DCUN1D4: variants seen among roughly 807,000 people sequenced by gnomAD.
DCUN1D4 encodes defective in cullin neddylation 1 domain containing 4, also known as DCN1-like protein 4.
Under a neutral mutation model 47.9 loss-of-function variants are expected in DCUN1D4, and 22 were observed. That is an observed-to-expected ratio of 0.46 (90% CI 0.33 to 0.66). The LOEUF (loss-of-function observed/expected upper bound fraction) is 0.66, where lower values mean the gene tolerates loss of function less well. DCUN1D4 is among the 30% of genes least tolerant of loss of function. The pLI is 0.02. For synonymous variants in DCUN1D4, 121 were observed against 112.2 expected, an observed-to-expected ratio of 1.08 and a Z score of -0.50; for missense variants, 301 against 340.8, an observed-to-expected ratio of 0.88 and a Z score of 0.92.
At chr4:51,899,490 T>C in intron 8 of DCUN1D4, 112 bp downstream of exon 8, 1 of 1,474,954 alleles carries the variant, frequency 6.8e-7, no homozygotes, top group Non-Finnish European at 8.9e-7. Flanking sequence ...ATAAGTTAAC[T>C]CCCAGGATGC....
intron 5 of DCUN1D4, among the ~76,000 whole-genome samples, chr4:51,883,509 G>A (rs373666546): frequency 1.7e-4 from 26 of 152,250 alleles, no homozygotes; most frequent in African/African-American, 5.5e-4. Context: ...GCTAAATGTC[G>A]TATTTGAGTC....
intron 1 of DCUN1D4, chr4:51,844,381 C>G (rs1486993289): frequency 4.1e-6 from 4 of 984,350 alleles, no homozygotes; most frequent in Non-Finnish European, 4.8e-6. Flanking sequence ...GTGGTTCCCC[C>G]CGGACGGCGG....
intron 6 of DCUN1D4, among the ~76,000 whole-genome samples, chr4:51,888,672 C>T (rs527388291): frequency 3.5e-5 from 5 of 142,474 alleles, no homozygotes; most frequent in South Asian, 2.3e-4. Context: ...TGAGCAGAGC[C>T]GACATCATGC....
In DCUN1D4 at chr4:51,913,560, G is replaced by A; in HGVS notation, c.855G>A (p.Trp285Ter). 1 of 1,612,888 alleles carries A rather than the reference G, an allele frequency of 6.2e-7. No individual in the cohort carries two copies. The highest frequency in any genetic ancestry group is 1.1e-5 in the South Asian group (1 of 90,978). Residue 285 changes from tryptophan (W) to a stop codon, truncating the protein, a stop_gained, in exon 11 of 11, where the codon TGG (tryptophan) becomes TGA (stop). Coordinates refer to ENST00000334635, the MANE Select transcript of DCUN1D4 (RefSeq NM_001040402.3). LOFTEE classifies it high-confidence loss of function. The part of the protein sequence containing the change: ...WPVLLDEFVE[W>*]YKDKQMS ...TTTTGTTGGACGAGTTTGTGGAGTGGTATAAAGACAAACAGATGTCCTAGG... is the reference window on the plus strand; with the variant it reads ...TTTTGTTGGACGAGTTTGTGGAGTGATATAAAGACAAACAGATGTCCTAGG...
chr4:51,840,018 CAATTA>C (rs997654694), upstream of DCUN1D4, among the ~76,000 whole-genome samples: 5 of 151,878 alleles, frequency 3.3e-5, no homozygotes, highest in African/African-American at 1.2e-4. Context: ...AGAAAAATTC[CAATTA>C]AATTAGGTAT....
chr4:51,852,692 A>G (rs962162024), intron 1 of DCUN1D4, among the ~76,000 whole-genome samples: 1 of 152,212 alleles, frequency 6.6e-6, no homozygotes, highest in Non-Finnish European at 1.5e-5. Flanking sequence ...TTGGCACATA[A>G]TATGGACCAG....
At position 51,914,325 on chromosome 4, in the gene DCUN1D4, C is replaced by T. The variant is rs1463479120; in HGVS notation, c.*741C>T. On this transcript the variant is annotated 3_prime_UTR_variant, in exon 11 of 11. Coordinates refer to ENST00000334635, the MANE Select transcript of DCUN1D4 (RefSeq NM_001040402.3). ...TTTTCTTAAAAGAATGGGATTTAAA[C>T]TCTTATAAACATTCTTTAACTTTTT... The T allele has an allele frequency of 1.3e-5, 2 of 152,058 alleles. No individual in the cohort carries two copies. The highest frequency in any genetic ancestry group is 2.9e-5 in the Non-Finnish European group (2 of 68,002). 9.4% of individuals were successfully genotyped at this position (152,058 alleles called of 1,614,324 possible).
intron 6 of DCUN1D4, 64 bp from the exon 7 acceptor site, chr4:51,891,696 A>G (rs1163649275): frequency 7.7e-7 from 1 of 1,291,168 alleles, no homozygotes; most frequent in Non-Finnish European, 1.1e-6. Flanking sequence ...TGACAGATCT[A>G]TTTGTTTTTT....
intron 4 of DCUN1D4, among the ~76,000 whole-genome samples, chr4:51,876,956 TATC>T (rs1428174695): frequency 6.6e-6 from 1 of 152,218 alleles, no homozygotes; most frequent in African/African-American, 2.4e-5. Flanking sequence ...TTTATATCCA[TATC>T]ATCATTTTAA....
intron 8 of DCUN1D4, among the ~76,000 whole-genome samples, chr4:51,902,041 CT>C (rs1188530665): frequency 1.3e-5 from 2 of 151,926 alleles, no homozygotes; most frequent in African/African-American, 2.4e-5. Context: ...CTTGTGAATT[CT>C]TTTTTGGCCC....
intron 7 of DCUN1D4, among the ~76,000 whole-genome samples, chr4:51,896,421 C>T (rs951521330): frequency 1.8e-4 from 27 of 152,216 alleles, no homozygotes; most frequent in African/African-American, 6.5e-4. Context: ...AACCGCTCTT[C>T]TTCTTCGTAG....
intron 5 of DCUN1D4, among the ~76,000 whole-genome samples, chr4:51,881,954 G>A (rs561725113): frequency 3.4e-4 from 52 of 152,196 alleles, no homozygotes; most frequent in African/African-American, 1.2e-3. Flanking sequence ...GATCGTTTGA[G>A]CTAAGGAGTT....
intron 4 of DCUN1D4, among the ~76,000 whole-genome samples, chr4:51,875,723 T>C (rs1317484566): frequency 1.3e-5 from 2 of 152,220 alleles, no homozygotes; most frequent in East Asian, 3.9e-4. Context: ...ATATGGTCTT[T>C]GTGTCTCGCT....
chr4:51,902,597 C>T (rs1242592938), intron 8 of DCUN1D4, among the ~76,000 whole-genome samples: 2 of 152,112 alleles, frequency 1.3e-5, no homozygotes, highest in African/African-American at 4.8e-5. Flanking sequence ...CATGCTATAT[C>T]TTTTTTAAAT....
At chr4:51,869,670 T>A (rs1037136262) in intron 3 of DCUN1D4, among the ~76,000 whole-genome samples, 1 of 152,172 alleles carries the variant, frequency 6.6e-6, no homozygotes, top group Non-Finnish European at 1.5e-5. Context: ...GCTACGTAAT[T>A]AAATTATTAT....
At chr4:51,876,635 C>A (rs934172962) in intron 4 of DCUN1D4, among the ~76,000 whole-genome samples, 5 of 152,112 alleles carry the variant, frequency 3.3e-5, no homozygotes, top group Middle Eastern at 6.8e-3. Context: ...AAGTCTACTT[C>A]TGTGGATTTT....
intron 4 of DCUN1D4, 90 bp downstream of exon 4, chr4:51,874,475 G>T: frequency 1.2e-6 from 1 of 810,320 alleles, no homozygotes; most frequent in Non-Finnish European, 1.9e-6. Flanking sequence ...TTCTAAGTGT[G>T]CAAATGCCAA....
chr4:51,877,659 C>T, intron 4 of DCUN1D4, 104 bp from the exon 5 acceptor site: 3 of 709,796 alleles, frequency 4.2e-6, no homozygotes, highest in Non-Finnish European at 4.7e-6. Flanking sequence ...ACTTAAAATA[C>T]TGATTGAATA....
chr4:51,874,444 C>G, intron 4 of DCUN1D4, 59 bp downstream of exon 4: 13 of 1,286,872 alleles, frequency 1.0e-5, no homozygotes, highest in Non-Finnish European at 1.4e-5. Context: ...ATGCACATTT[C>G]TACCTAATTC....
Sources: gnomAD v4.1 joint callset for allele counts (sites outside exome capture counted in the v4.1 genomes callset) on GRCh38, gnomAD v4.1.1 for gene constraint, MANE v1.5 for transcripts, NCBI Gene and HGNC (gene_info 2026-07-23, HGNC 2026-07-21) for gene names.